Variants in GUCY1A2 observed in about 807,000 individuals in gnomAD.
GUCY1A2 encodes guanylate cyclase 1 soluble subunit alpha 2.
A neutral mutation model predicts 63.5 loss-of-function variants in GUCY1A2; 27 were observed. That is an observed-to-expected ratio of 0.43 (90% CI 0.31 to 0.59). The LOEUF (loss-of-function observed/expected upper bound fraction) is 0.59. Among genes scored for constraint, GUCY1A2 ranks in the 20% least tolerant of loss-of-function variants. The pLI, the probability that GUCY1A2 is intolerant of heterozygous loss-of-function variation, is 0.11. For synonymous variants in GUCY1A2, 364 were observed against 343.5 expected, an observed-to-expected ratio of 1.06 and a Z score of -0.66; for missense variants, 768 against 913.3, an observed-to-expected ratio of 0.84 and a Z score of 2.05.
chr11:106,764,400 A>G (rs1591266574), intron 6 of GUCY1A2, among the ~76,000 whole-genome samples: 1 of 152,116 alleles, frequency 6.6e-6, no homozygotes, highest in South Asian at 2.1e-4. Context: ...GAAGTCAAAC[A>G]GATTTGAATT....
At chr11:106,974,203 C>A (rs1488439355) in intron 3 of GUCY1A2, among the ~76,000 whole-genome samples, 1 of 151,910 alleles carries the variant, frequency 6.6e-6, no homozygotes, top group Admixed American at 6.6e-5. Context: ...GATCAGTTAC[C>A]AAGTTATAGT....
Position 106,900,755 on chromosome 11 carries a change from T to A in GUCY1A2, c.1206+38705A>T, listed in dbSNP as rs529849600. Among the ~76,000 whole-genome samples, 47 of 152,326 alleles carry A rather than the reference T, an allele frequency of 3.1e-4. 1 individual carries two copies. In the South Asian group the frequency reaches 5.2e-3, roughly 17 times the overall value. ...GTGCATATACAAATTATGTTTACAC[T>A]ATACTGTAGTCTATTAAGTGTGCAA... is the stretch of plus-strand genomic sequence containing the variant. On this transcript the variant is annotated intron_variant, in intron 4 of 7. Transcript: ENST00000526355.
chr11:106,874,902 T>A (rs1381752143), intron 4 of GUCY1A2, among the ~76,000 whole-genome samples: 1 of 152,138 alleles, frequency 6.6e-6, no homozygotes, highest in Non-Finnish European at 1.5e-5. Context: ...TCACATTCAA[T>A]AAAATCTTTA....
chr11:106,787,050 G>A (rs2135409601), intron 5 of GUCY1A2, among the ~76,000 whole-genome samples: 1 of 152,180 alleles, frequency 6.6e-6, no homozygotes, highest in African/African-American at 2.4e-5. Context: ...ACCCAATTTA[G>A]CATATCAAGT....
At chr11:106,901,104 C>T (rs1455021110) in intron 4 of GUCY1A2, among the ~76,000 whole-genome samples, 1 of 152,216 alleles carries the variant, frequency 6.6e-6, no homozygotes, top group Non-Finnish European at 1.5e-5. Flanking sequence ...TCAAACCCTG[C>T]TGCTGCCCTA....
rs568362228 is a variant in GUCY1A2, at chr11:106,950,885, T to C, written c.488-10707A>G. 7.9e-5 allele frequency among the ~76,000 whole-genome samples: 12 copies of C among 152,236 alleles called. No individual in the cohort carries two copies. In the East Asian group the frequency reaches 2.3e-3, roughly 29 times the overall value. Reference sequence around the variant, plus strand: ...CTATTGACCCATCCTCTAAGTTCCCTGACCTCACCCCTCACCCTCCAACAG... The same window carrying C: ...CTATTGACCCATCCTCTAAGTTCCCCGACCTCACCCCTCACCCTCCAACAG... On this transcript the variant is annotated intron_variant, in intron 3 of 7. Coordinates refer to ENST00000526355, the MANE Select transcript of GUCY1A2 (RefSeq NM_000855.3).
chr11:106,988,217 G>A (rs2513107), intron 1 of GUCY1A2, among the ~76,000 whole-genome samples: 144,447 of 152,286 alleles, frequency 0.95, 68,621 homozygotes, highest in East Asian at 1. Context: ...TAACAACCTA[G>A]TCCATGACCA....
chr11:106,808,519 T>C (rs1461639926), intron 5 of GUCY1A2, among the ~76,000 whole-genome samples: 2 of 152,184 alleles, frequency 1.3e-5, no homozygotes, highest in Non-Finnish European at 2.9e-5. Flanking sequence ...TTTCTTCTTT[T>C]CTCAAAATCT....
intron 1 of GUCY1A2, among the ~76,000 whole-genome samples, chr11:107,007,725 C>G (rs921480612): frequency 3.3e-5 from 5 of 152,178 alleles, no homozygotes; most frequent in African/African-American, 1.2e-4. Context: ...CACTATCCCT[C>G]CCTGTGCCAC....
chr11:106,884,577 AC>A (rs1312654498), intron 4 of GUCY1A2, among the ~76,000 whole-genome samples: 1 of 152,096 alleles, frequency 6.6e-6, no homozygotes, highest in African/African-American at 2.4e-5. Context: ...AACTAAGAAA[AC>A]ACAGGAAAAG....
At chr11:106,760,678 A>G (rs576681220) in intron 6 of GUCY1A2, among the ~76,000 whole-genome samples, 24 of 152,298 alleles carry the variant, frequency 1.6e-4, no homozygotes, top group Middle Eastern at 3.4e-3. Context: ...AAAAATTAAT[A>G]TGTTCTGAGA....
At chr11:106,722,784 CTGTGTGTG>C (rs5794487) in intron 6 of GUCY1A2, among the ~76,000 whole-genome samples, 6,599 of 148,844 alleles carry the variant, frequency 0.044, 189 homozygotes, top group South Asian at 0.074. Context: ...AAGACCAGTT[CTGTGTGTG>C]TGTGTGTGTG....
At chr11:106,813,255 A>G (rs899544729) in intron 4 of GUCY1A2, among the ~76,000 whole-genome samples, 4 of 152,050 alleles carry the variant, frequency 2.6e-5, no homozygotes, top group Admixed American at 6.6e-5. Flanking sequence ...ATTGGCAAGC[A>G]TAACAAAGGG....
Position 107,016,500 on chromosome 11 carries a change from C to G in GUCY1A2, c.303+1253G>C, listed in dbSNP as rs556187511. Among the ~76,000 whole-genome samples, 3 of 152,362 alleles carry G rather than the reference C, an allele frequency of 2.0e-5. No homozygotes were observed. In the East Asian group the frequency reaches 5.8e-4, roughly 29 times the overall value. Reference sequence around the variant, plus strand: ...TGGGCAGGAATAAGGCAGTACTCCTCTGGAAGGATGCCTACAACCAGGGGG... The same window carrying G: ...TGGGCAGGAATAAGGCAGTACTCCTGTGGAAGGATGCCTACAACCAGGGGG... On this transcript the variant is annotated intron_variant, in intron 1 of 7. Coordinates refer to ENST00000526355, the MANE Select transcript of GUCY1A2 (RefSeq NM_000855.3).
intron 4 of GUCY1A2, among the ~76,000 whole-genome samples, chr11:106,845,828 T>C (rs1273752092): frequency 2.0e-5 from 3 of 151,642 alleles, no homozygotes; most frequent in African/African-American, 7.2e-5. Flanking sequence ...GAAAACGGTA[T>C]GCTCATATGG....
At chr11:106,729,073 T>C (rs1374512995) in intron 6 of GUCY1A2, among the ~76,000 whole-genome samples, 3 of 152,188 alleles carry the variant, frequency 2.0e-5, no homozygotes, top group Non-Finnish European at 2.9e-5. Flanking sequence ...GAGGAATAAA[T>C]AAGACAGATG....
chr11:106,691,791 G>A (rs1010666544), intron 7 of GUCY1A2, among the ~76,000 whole-genome samples: 1 of 152,180 alleles, frequency 6.6e-6, no homozygotes, highest in African/African-American at 2.4e-5. Context: ...ACTAAATACA[G>A]TTTTAAATTT....
intron 1 of GUCY1A2, among the ~76,000 whole-genome samples, chr11:106,996,907 T>A (rs1207774934): frequency 6.6e-6 from 1 of 152,220 alleles, no homozygotes; most frequent in Non-Finnish European, 1.5e-5. Flanking sequence ...TAAAACGTGC[T>A]TACTAGGCAG....
At chr11:106,914,755 G>A (rs1020457250) in intron 4 of GUCY1A2, among the ~76,000 whole-genome samples, 16 of 151,912 alleles carry the variant, frequency 1.1e-4, no homozygotes, top group African/African-American at 3.6e-4. Context: ...TGTTTCATGG[G>A]TATTTGGAAT....
Sources: allele counts gnomAD v4.1 joint callset (sites outside exome capture counted in the v4.1 genomes callset), GRCh38; gene constraint gnomAD v4.1.1; transcripts MANE v1.5; gene names NCBI Gene and HGNC (gene_info 2026-07-23, HGNC 2026-07-21).